CSMD1: variants seen among roughly 807,000 people sequenced by gnomAD.
CSMD1 encodes CUB and Sushi multiple domains 1, also known as CUB and sushi domain-containing protein 1.
In CSMD1, 213 loss-of-function variants were observed where a neutral mutation model predicts 417.5. That is an observed-to-expected ratio of 0.51 (90% confidence interval 0.46 to 0.57). The LOEUF (loss-of-function observed/expected upper bound fraction) is 0.57. CSMD1 is among the 20% of genes least tolerant of loss of function. The pLI, the probability that CSMD1 is intolerant of heterozygous loss-of-function variation, is 0.00. For synonymous variants in CSMD1, 2,862 were observed against 1,736.8 expected (o/e 1.65, Z -16.11); for missense variants, 6,923 against 4,529.7 (o/e 1.53, Z -15.17).
intron 3 of CSMD1, among the ~76,000 whole-genome samples, chr8:4,375,271 T>G (rs773421578): frequency 6.6e-6 from 1 of 152,098 alleles, no homozygotes; most frequent in Non-Finnish European, 1.5e-5. Flanking sequence ...ATAAACAGAC[T>G]TCAGGAAAAG....
At chr8:3,215,851 C>A (rs566966722) in intron 29 of CSMD1, among the ~76,000 whole-genome samples, 1 of 151,886 alleles carries the variant, frequency 6.6e-6, no homozygotes, top group Admixed American at 6.6e-5. Flanking sequence ...GAAAAAGAGA[C>A]CTGATTAACT....
At chr8:4,971,125 A>G (rs1055529880) in intron 1 of CSMD1, among the ~76,000 whole-genome samples, 7 of 152,006 alleles carry the variant, frequency 4.6e-5, no homozygotes, top group Non-Finnish European at 1.0e-4. Flanking sequence ...GACTTCAAAC[A>G]ATCTGAACCC....
chr8:4,193,673 C>G (rs976164971), intron 3 of CSMD1, among the ~76,000 whole-genome samples: 4 of 152,182 alleles, frequency 2.6e-5, no homozygotes, highest in East Asian at 3.9e-4. Flanking sequence ...ACACGGCAAA[C>G]CACAGCTCAA....
Position 3,343,327 on chromosome 8 carries a change from C to T in CSMD1, c.3598G>A (p.Asp1200Asn), listed in dbSNP as rs772113520. Residue 1200 changes from aspartate to asparagine, a missense_variant, in exon 23 of 70, where the codon GAC (aspartate) becomes AAC (asparagine). Transcript: ENST00000635120. Reference protein sequence around the residue: ...LWLEFNTNGSDTDQGFQLTYT... With the variant: ...LWLEFNTNGSNTDQGFQLTYT... The stretch of plus-strand genomic sequence containing the variant: ...GTGAGTTGAAAACCTTGGTCGGTGT[C>T]AGATCCATTGGTGTTGAACTCTAGC... 1.2e-6 allele frequency: 2 copies of T among 1,613,762 alleles called. No individual in the cohort carries two copies. Among genetic ancestry groups the T allele is most frequent in the Non-Finnish European group, 1.7e-6 (2 of 1,179,708 alleles).
chr8:3,224,571 G>T (rs865778330), intron 27 of CSMD1, among the ~76,000 whole-genome samples: 6 of 152,166 alleles, frequency 3.9e-5, no homozygotes, highest in Non-Finnish European at 7.3e-5. Context: ...TCAGTGAGGA[G>T]CTGAGCTGGA....
chr8:3,698,672 C>T (rs181747877), intron 7 of CSMD1, among the ~76,000 whole-genome samples: 12 of 152,244 alleles, frequency 7.9e-5, no homozygotes, highest in South Asian at 2.1e-4. Flanking sequence ...TCTAGTAACA[C>T]GCCTGGTATT....
intron 10 of CSMD1, among the ~76,000 whole-genome samples, chr8:3,568,708 T>C (rs1799821332): frequency 6.6e-6 from 1 of 152,106 alleles, no homozygotes; most frequent in South Asian, 2.1e-4. Flanking sequence ...TATAGGTGTG[T>C]GTGTTTATCT....
Position 4,756,369 on chromosome 8 carries a change from G to GT in CSMD1, c.86-118812dup, listed in dbSNP as rs145492544. ...AGGCATACTGGCCATATTTTTAAAAGTAACACTTGGTTTTTTTCTGACCCG... is the reference window on the plus strand; with the variant it reads ...AGGCATACTGGCCATATTTTTAAAAGTTAACACTTGGTTTTTTTCTGACCCG... On this transcript the variant is annotated intron_variant, in intron 1 of 69. Coordinates refer to ENST00000635120, the MANE Select transcript of CSMD1 (RefSeq NM_033225.6). 6.1e-3 allele frequency among the ~76,000 whole-genome samples: 926 copies of GT among 152,248 alleles called. 7 individuals carry two copies. Among genetic ancestry groups the GT allele is most frequent in the African/African-American group, 0.021 (873 of 41,534 alleles).
At chr8:4,334,877 A>C (rs1800080861) in intron 3 of CSMD1, among the ~76,000 whole-genome samples, 1 of 152,078 alleles carries the variant, frequency 6.6e-6, no homozygotes, top group East Asian at 1.9e-4. Context: ...GAAGTCCAAG[A>C]TCAAGGTGAT....
chr8:3,411,882 A>ATATGCACGTATACATG (rs1563361593), intron 12 of CSMD1, among the ~76,000 whole-genome samples: 1 of 46,348 alleles, frequency 2.2e-5, no homozygotes, highest in African/African-American at 8.6e-5. Context: ...ACGTATATAT[A>ATATGCACGTATACATG]CACGTATATA....
chr8:4,089,017 T>A (rs1460985643), intron 3 of CSMD1, among the ~76,000 whole-genome samples: 2 of 152,212 alleles, frequency 1.3e-5, no homozygotes, highest in Non-Finnish European at 2.9e-5. Flanking sequence ...GCTGAGGGTC[T>A]CAAAACTTAT....
At chr8:3,852,270 A>T (rs1403312477) in intron 5 of CSMD1, among the ~76,000 whole-genome samples, 1 of 152,122 alleles carries the variant, frequency 6.6e-6, no homozygotes, top group East Asian at 1.9e-4. Flanking sequence ...TCCTGTAGGC[A>T]GTGGATGCAG....
At chr8:4,115,033 G>A (rs146233024) in intron 3 of CSMD1, among the ~76,000 whole-genome samples, 4 of 152,168 alleles carry the variant, frequency 2.6e-5, no homozygotes, top group Non-Finnish European at 2.9e-5. Flanking sequence ...TGGTTTGAAA[G>A]AATTGATTCA....
intron 7 of CSMD1, among the ~76,000 whole-genome samples, chr8:3,653,713 A>G (rs1421500120): frequency 4.6e-5 from 7 of 152,204 alleles, no homozygotes; most frequent in Admixed American, 6.5e-5. Context: ...CCTTTGAGGA[A>G]TGAGGACTCT....
chr8:4,189,401 T>G (rs1378358572), intron 3 of CSMD1, among the ~76,000 whole-genome samples: 5 of 152,160 alleles, frequency 3.3e-5, no homozygotes, highest in African/African-American at 1.2e-4. Flanking sequence ...TACCTAAAAG[T>G]TTGCCTTTGT....
At chr8:4,275,710 G>C (rs925279804) in intron 3 of CSMD1, among the ~76,000 whole-genome samples, 1 of 152,156 alleles carries the variant, frequency 6.6e-6, no homozygotes, top group Non-Finnish European at 1.5e-5. Context: ...TACTCAGTGT[G>C]ATTCCATTCA....
Position 4,186,931 on chromosome 8 carries a change from G to C in CSMD1, c.416-154832C>G, listed in dbSNP as rs187172202. 7.0e-4 allele frequency among the ~76,000 whole-genome samples: 107 copies of C among 152,146 alleles called. 1 individual carries two copies. In the Middle Eastern group the frequency reaches 0.017, roughly 24 times the overall value. ...GAATCACCTGAACCCACGAGGCAGAGATTGCAGTGAGCTGCACTCTAGCCT... is the reference window on the plus strand; with the variant it reads ...GAATCACCTGAACCCACGAGGCAGACATTGCAGTGAGCTGCACTCTAGCCT... On this transcript the variant is annotated intron_variant, in intron 3 of 69. Transcript: ENST00000635120.
At chr8:4,288,224 C>T (rs1348256821) in intron 3 of CSMD1, among the ~76,000 whole-genome samples, 1 of 152,100 alleles carries the variant, frequency 6.6e-6, no homozygotes, top group Non-Finnish European at 1.5e-5. Flanking sequence ...CCACTCAGGG[C>T]CTGGCAGTGC....
intron 1 of CSMD1, among the ~76,000 whole-genome samples, chr8:4,839,909 G>A (rs888406579): frequency 5.9e-5 from 9 of 152,090 alleles, no homozygotes; most frequent in African/African-American, 9.7e-5. Flanking sequence ...AACCTCCTGC[G>A]CGTCTCCTCA....
Sources: gnomAD v4.1 joint callset for allele counts (sites outside exome capture counted in the v4.1 genomes callset) on GRCh38, gnomAD v4.1.1 for gene constraint, MANE v1.5 for transcripts, NCBI Gene and HGNC (gene_info 2026-07-23, HGNC 2026-07-21) for gene names.